Variants in THUMPD2 observed in about 807,000 individuals in gnomAD.
THUMPD2 encodes THUMP domain 2 tRNA and snRNA guanosine methyltransferase.
In THUMPD2, 56 loss-of-function variants were observed where a neutral mutation model predicts 49.4. The ratio of observed to expected loss-of-function variants is 1.13; its 90% confidence interval spans 0.91 to 1.41. THUMPD2 has a LOEUF of 1.41. Ranked by LOEUF, THUMPD2 falls within the 40% of genes most tolerant of loss-of-function variation. THUMPD2 has a pLI of 0.00. For missense variants in THUMPD2, 709 were observed against 594.5 expected, an observed-to-expected ratio of 1.19 and a Z score of -2.00; for synonymous variants, 237 against 205.2, an observed-to-expected ratio of 1.15 and a Z score of -1.32.
At chr2:39,749,557 G>C (rs1202693487) in intron 8 of THUMPD2, among the ~76,000 whole-genome samples, 1 of 152,316 alleles carries the variant, frequency 6.6e-6, no homozygotes, top group African/African-American at 2.4e-5. Context: ...GTGATAAATT[G>C]TTGGCTTTGG....
At chr2:39,761,706 T>C (rs1382933861) in intron 5 of THUMPD2, among the ~76,000 whole-genome samples, 1 of 152,182 alleles carries the variant, frequency 6.6e-6, no homozygotes, top group African/African-American at 2.4e-5. Context: ...GAGGAAAATC[T>C]TTCTTATACT....
chr2:39,744,862 G>A (rs114789890), intron 8 of THUMPD2, among the ~76,000 whole-genome samples: 4,096 of 152,038 alleles, frequency 0.027, 78 homozygotes, highest in South Asian at 0.039. Context: ...AAAACTGTAC[G>A]TTTAGATCTA....
At chr2:39,738,669 G>GTA (rs60815137) in intron 9 of THUMPD2, among the ~76,000 whole-genome samples, 82,524 of 146,162 alleles carry the variant, frequency 0.56, 24,157 homozygotes, top group East Asian at 0.83. Flanking sequence ...TAAATTATAT[G>GTA]TATATATACA....
chr2:39,757,128 G>A, intron 6 of THUMPD2: 1 of 324,000 alleles, frequency 3.1e-6, no homozygotes, highest in Admixed American at 4.3e-5. Context: ...AGGAATGAGA[G>A]GGAGAGAACT....
At chr2:39,760,214 A>G (rs74387870) in intron 6 of THUMPD2, among the ~76,000 whole-genome samples, 4,060 of 152,254 alleles carry the variant, frequency 0.027, 173 homozygotes, top group African/African-American at 0.092. Flanking sequence ...CTCACTGTAG[A>G]GAGGAGAAGA....
intron 6 of THUMPD2, among the ~76,000 whole-genome samples, chr2:39,759,634 G>A (rs1178926701): frequency 6.6e-6 from 1 of 152,116 alleles, no homozygotes; most frequent in African/African-American, 2.4e-5. Flanking sequence ...TAAGATTAAA[G>A]AGAAACACCT....
chr2:39,775,020 C>T (rs1678880439), intron 1 of THUMPD2, among the ~76,000 whole-genome samples: 1 of 152,086 alleles, frequency 6.6e-6, no homozygotes, highest in Admixed American at 6.5e-5. Context: ...TAGCTCATGC[C>T]TATAATTCCA....
intron 9 of THUMPD2, among the ~76,000 whole-genome samples, chr2:39,741,256 G>A (rs1324891460): frequency 6.6e-6 from 1 of 152,146 alleles, no homozygotes; most frequent in Non-Finnish European, 1.5e-5. Context: ...TAAATTATTT[G>A]TCCATGGAAC....
At chr2:39,776,420 G>C (rs187652324) in intron 1 of THUMPD2, among the ~76,000 whole-genome samples, 2 of 147,394 alleles carry the variant, frequency 1.4e-5, no homozygotes, top group Non-Finnish European at 3.0e-5. Flanking sequence ...TTGAGATGGA[G>C]TCTCACTCTG....
chr2:39,763,112 G>A (rs571291117), intron 5 of THUMPD2, among the ~76,000 whole-genome samples: 1 of 151,782 alleles, frequency 6.6e-6, no homozygotes, highest in Non-Finnish European at 1.5e-5. Context: ...AGAGAACCTA[G>A]CTAATGTACA....
At chr2:39,753,584 C>G (rs4670958) in intron 8 of THUMPD2, among the ~76,000 whole-genome samples, 1 of 151,958 alleles carries the variant, frequency 6.6e-6, no homozygotes, top group African/African-American at 2.4e-5. Context: ...GTCTAATAAT[C>G]GTGCGAAATT....
rs186551040 is a variant in THUMPD2, at chr2:39,752,981, G to C, written c.1078+2314C>G. 3.9e-5 allele frequency among the ~76,000 whole-genome samples: 6 copies of C among 152,100 alleles called. No individual in the cohort carries two copies. The East Asian group carries it at 1.2e-3, about 29-fold the overall frequency. On this transcript the variant is annotated intron_variant, in intron 8 of 9. Coordinates refer to ENST00000505747, the MANE Select transcript of THUMPD2 (RefSeq NM_025264.5). ...GGATCCCATCCTTTTTCAGGGGCCT[G>C]GATATAGCAGACAAGCAATTCTCCT...
At chr2:39,770,240 G>A (rs989578825) in intron 2 of THUMPD2, 121 bp from the exon 3 acceptor site, 12 of 647,826 alleles carry the variant, frequency 1.9e-5, no homozygotes, top group Admixed American at 1.2e-4. Context: ...ATTGCTACAC[G>A]AATAACTTCA....
chr2:39,771,178 T>A (rs1412464989), intron 2 of THUMPD2, among the ~76,000 whole-genome samples: 2 of 152,160 alleles, frequency 1.3e-5, no homozygotes, highest in African/African-American at 4.8e-5. Context: ...GAATGCATTT[T>A]GGATTAGTTC....
chr2:39,769,883 T>G lies in THUMPD2; in HGVS notation c.499A>C (p.Ile167Leu), dbSNP rs1255899648. The part of the protein sequence containing the change: ...ENRDCQLEKQ[I>L]KEETLEQRDF... ...CTTTGCTCCAGAGTTTCTTCTTTTA[T>G]TTGTTTTTCCAGCTGGCAGTCCCTA... Residue 167 changes from isoleucine to leucine, a missense_variant, in exon 3 of 10, where the codon ATA becomes CTA. Transcript: ENST00000505747. 4.4e-6 allele frequency: 7 copies of G among 1,600,296 alleles called. No individual in the cohort carries two copies. Among genetic ancestry groups the G allele is most frequent in the Non-Finnish European group, 4.2e-6 (5 of 1,176,532 alleles).
chr2:39,762,733 A>T (rs1676984158), intron 5 of THUMPD2, among the ~76,000 whole-genome samples: 1 of 150,738 alleles, frequency 6.6e-6, no homozygotes, highest in Non-Finnish European at 1.5e-5. Context: ...GTTATAAAAC[A>T]CAGTTTGCAT....
chr2:39,747,996 A>G (rs920957375), intron 8 of THUMPD2, among the ~76,000 whole-genome samples: 1 of 152,250 alleles, frequency 6.6e-6, no homozygotes, highest in East Asian at 1.9e-4. Flanking sequence ...GAATATTTAT[A>G]GAATTTCATA....
At chr2:39,743,778 T>G (rs952512831) in intron 9 of THUMPD2, among the ~76,000 whole-genome samples, 10 of 152,222 alleles carry the variant, frequency 6.6e-5, no homozygotes, top group Non-Finnish European at 1.3e-4. Context: ...GCACTGTGCT[T>G]CTTTTACAGA....
At position 39,755,317 on chromosome 2, in the gene THUMPD2, T is replaced by C. The variant is rs1377057006; in HGVS notation, c.1056A>G (p.Glu352=). The change falls in exon 8 of 10, where the codon GAA becomes GAG. Residue 352 remains glutamate, a synonymous_variant. Coordinates refer to ENST00000505747, the MANE Select transcript of THUMPD2 (RefSeq NM_025264.5). Reference sequence around the variant, plus strand: ...TACCTATAACAGAGATTTTAAGTAATTCAATTTTATCCTCAAGGCCTGCAG... The same window carrying C: ...TACCTATAACAGAGATTTTAAGTAACTCAATTTTATCCTCAAGGCCTGCAG... ...LKAAGLEDKI[E]LLKISVIELP... is the part of the protein sequence containing the mutation. 3 of 1,545,498 alleles carry C rather than the reference T, an allele frequency of 1.9e-6. No homozygotes were observed. Among genetic ancestry groups the C allele is most frequent in the Non-Finnish European group, 2.6e-6 (3 of 1,158,236 alleles).
Sources: gnomAD v4.1 joint callset for allele counts (sites outside exome capture counted in the v4.1 genomes callset) on GRCh38, gnomAD v4.1.1 for gene constraint, MANE v1.5 for transcripts, NCBI Gene and HGNC (gene_info 2026-07-23, HGNC 2026-07-21) for gene names.